The following PWWP3A variants were observed in gnomAD, a reference collection of about 807,000 sequenced individuals.
The protein encoded by PWWP3A is PWWP domain containing 3A, DNA repair factor.
Under a neutral mutation model 79.0 loss-of-function variants are expected in PWWP3A, and 53 were observed. That is an observed-to-expected ratio of 0.67 (90% CI 0.54 to 0.84). PWWP3A has a LOEUF of 0.84. PWWP3A is among the 40% of genes least tolerant of loss of function. PWWP3A has a pLI of 0.00. For synonymous variants in PWWP3A, 443 were observed against 394.4 expected, an observed-to-expected ratio of 1.12 and a Z score of -1.46; for missense variants, 973 against 948.0, an observed-to-expected ratio of 1.03 and a Z score of -0.35.
Position 1,373,062 on chromosome 19 carries a change from C to T in PWWP3A, c.1987-10C>T, listed in dbSNP as rs772192050. On this transcript the variant is annotated splice_polypyrimidine_tract_variant and intron_variant, in intron 12 of 13. Transcript: ENST00000591337. ...TGCCTGCTGCTATTGAGCCCCGTGC[C>T]CTCTCACAGGCCATCATCTGTGCGA... The T allele has an allele frequency of 6.2e-7, 1 of 1,613,802 alleles. No individual in the cohort carries two copies. The highest frequency in any genetic ancestry group is 8.5e-7 in the Non-Finnish European group (1 of 1,179,850).
Position 1,378,228 on chromosome 19 carries a change from A to C in PWWP3A, c.*1652A>C, listed in dbSNP as rs932978855. ...GGCGGGGCTCAGCAGCGTTGCATGT[A>C]CGGGCCTCGTACTGCCTCATGGAAA... On this transcript the variant is annotated 3_prime_UTR_variant, in exon 14 of 14. Transcript: ENST00000591337. The C allele has an allele frequency of 3.3e-5, 5 of 152,370 alleles. No individual in the cohort carries two copies. The highest frequency in any genetic ancestry group is 4.8e-5 in the African/African-American group (2 of 41,582). The allele number at this position is 152,370 out of a possible 1,614,324, so 9.4% of individuals were successfully genotyped here. A position where few individuals can be genotyped will look rare whatever the true frequency, so the allele number is the denominator to read the frequency against.
In PWWP3A at chr19:1,360,346, A is replaced by G. The variant is rs2081983132; in HGVS notation, c.425A>G (p.Asp142Gly). 2 of 1,614,024 alleles carry G rather than the reference A, an allele frequency of 1.2e-6. No individual in the cohort carries two copies. The highest frequency in any genetic ancestry group is 1.7e-6 in the Non-Finnish European group (2 of 1,179,990). ...AACTCCTCATCTCTTCCCCGCGGAG[A>G]CGTGTTGGGCAGTTCCAGACCTCAC... is the stretch of plus-strand genomic sequence containing the variant. ...DSNSSSLPRG[D>G]VLGSSRPHRR... Residue 142 changes from aspartate (D) to glycine (G), a missense_variant, in exon 5 of 14, where the codon GAC becomes GGC. Transcript: ENST00000591337. This position sits in a 1 kb window ranked among gnomAD's most constrained non-coding sequence, Gnocchi z 4.4.
Position 1,368,918 on chromosome 19 carries a change from C to T in PWWP3A, c.1423-347C>T, listed in dbSNP as rs7246613. On this transcript the variant is annotated intron_variant, in intron 9 of 13. Transcript: ENST00000591337. This position sits in a 1 kb window ranked among gnomAD's most constrained non-coding sequence, Gnocchi z 4.7. Reference sequence around the variant, plus strand: ...TCCCCGGTGCCCACCTGCGTTCAGACCAGCCCAAGCCATCGGGTCCCCGGT... The same window carrying T: ...TCCCCGGTGCCCACCTGCGTTCAGATCAGCCCAAGCCATCGGGTCCCCGGT... 0.039 allele frequency among the ~76,000 whole-genome samples: 2,975 copies of T among 75,428 alleles called. 93 individuals are homozygous for T. Among genetic ancestry groups the T allele is most frequent in the African/African-American group, 0.09 (1,067 of 11,880 alleles). 49.5% of individuals were successfully genotyped at this position (75,428 alleles called of 152,430 possible).
At position 1,360,339 on chromosome 19, in the gene PWWP3A, C is replaced by CGCGGAGACGTGTTGGGCA. The variant is rs2081982854; in HGVS notation, c.420_437dup (p.Gly141_Ser146dup). The CGCGGAGACGTGTTGGGCA allele has an allele frequency of 6.2e-7, 1 of 1,613,988 alleles. No individual in the cohort carries two copies. Among genetic ancestry groups the CGCGGAGACGTGTTGGGCA allele is most frequent in the African/African-American group, 1.3e-5 (1 of 74,924 alleles). ...TGATTCGAACTCCTCATCTCTTCCC[C>CGCGGAGACGTGTTGGGCA]GCGGAGACGTGTTGGGCAGTTCCAG... On this transcript the variant is annotated inframe_insertion, in exon 5 of 14. Coordinates refer to ENST00000591337, the MANE Select transcript of PWWP3A (RefSeq NM_001369789.1). The surrounding 1 kb of genome is among the most constrained non-coding windows in gnomAD (Gnocchi z 4.4).
intron 8 of PWWP3A, among the ~76,000 whole-genome samples, chr19:1,366,923 C>G (rs1009760446): frequency 1.3e-5 from 2 of 152,216 alleles, no homozygotes; most frequent in Non-Finnish European, 2.9e-5. Flanking sequence ...AGTGGAGACC[C>G]AGGCCCCGAG....
intron 7 of PWWP3A, 83 bp from the exon 8 acceptor site, chr19:1,366,222 G>T: frequency 2.9e-6 from 4 of 1,376,618 alleles, no homozygotes; most frequent in Non-Finnish European, 3.1e-6. Context: ...CCTGTTAGAT[G>T]TATCATGTGA....
intron 12 of PWWP3A, among the ~76,000 whole-genome samples, chr19:1,371,697 T>C (rs1389376459): frequency 2.0e-5 from 3 of 151,908 alleles, no homozygotes; most frequent in East Asian, 3.9e-4. Context: ...TATTTAACTT[T>C]ATAACTATGG....
At position 1,369,150 on chromosome 19, in the gene PWWP3A, G is replaced by C; in HGVS notation, c.1423-115G>C. The C allele has an allele frequency of 3.4e-6, 3 of 879,090 alleles. No individual in the cohort carries two copies. Among genetic ancestry groups the C allele is most frequent in the Non-Finnish European group, 5.5e-6 (3 of 541,364 alleles). The allele number at this position is 879,090 out of a possible 1,614,324, so 54.5% of individuals were successfully genotyped here. ...TTGTCAGGGAGGGTCAGAGGTGCGG[G>C]CTGGAGCGTGAGCAGCCTGGACACC... On this transcript the variant is annotated intron_variant, in intron 9 of 13. Transcript: ENST00000591337. This position sits in a 1 kb window ranked among gnomAD's most constrained non-coding sequence, Gnocchi z 4.0.
chr19:1,360,296 G>T lies in PWWP3A; in HGVS notation c.375G>T (p.Glu125Asp), dbSNP rs1304314402. 1 of 1,613,828 alleles carries T rather than the reference G, an allele frequency of 6.2e-7. No individual in the cohort carries two copies. Among genetic ancestry groups the T allele is most frequent in the Non-Finnish European group, 8.5e-7 (1 of 1,179,884 alleles). The change falls in exon 5 of 14, where the codon GAG (glutamate) becomes GAT (aspartate). Residue 125 changes from glutamate to aspartate, a missense_variant. By Grantham distance (45) the Glu-to-Asp change is conservative. Transcript: ENST00000591337. This position sits in a 1 kb window ranked among gnomAD's most constrained non-coding sequence, Gnocchi z 4.4. Reference protein sequence around the residue: ...ADRSLRGKPMEHVSSPCDSNS... With the variant: ...ADRSLRGKPMDHVSSPCDSNS... ...GGTCTCTGCGAGGGAAGCCCATGGAGCATGTCTCCTCGCCCTGTGATTCGA... is the reference window on the plus strand; with the variant it reads ...GGTCTCTGCGAGGGAAGCCCATGGATCATGTCTCCTCGCCCTGTGATTCGA...
At chr19:1,367,874 GAAA>G (rs568254510) in intron 9 of PWWP3A, among the ~76,000 whole-genome samples, 3 of 151,964 alleles carry the variant, frequency 2.0e-5, no homozygotes, top group East Asian at 3.9e-4. Context: ...TACTCCTCTG[GAAA>G]AAAAGAAAAA....
intron 8 of PWWP3A, 117 bp from the exon 9 acceptor site, chr19:1,367,043 G>A: frequency 1.4e-6 from 1 of 733,562 alleles, no homozygotes; most frequent in South Asian, 1.8e-5. Context: ...CCATAAATAA[G>A]CTGGGGCTGG....
Position 1,376,497 on chromosome 19 carries a change from TGAA to T in PWWP3A, c.2076-19_2076-17del. Reference sequence around the variant, plus strand: ...AACACACAATGATTAATTACTAAAATGAAGACTCTTGTTTTCTGAAGGGAAAAA... The same window carrying T: ...AACACACAATGATTAATTACTAAAATGACTCTTGTTTTCTGAAGGGAAAAA... On this transcript the variant is annotated intron_variant, in intron 13 of 13. Coordinates refer to ENST00000591337, the MANE Select transcript of PWWP3A (RefSeq NM_001369789.1). 2 of 1,611,598 alleles carry T rather than the reference TGAA, an allele frequency of 1.2e-6. No individual in the cohort carries two copies. Among genetic ancestry groups the T allele is most frequent in the Non-Finnish European group, 1.7e-6 (2 of 1,178,340 alleles).
chr19:1,376,651 TG>T lies in PWWP3A; in HGVS notation c.*81del. ...CAGTGTGCATGAGCGTGTCTGAAGA[TG>T]GGGGGCTCAGGGGGCACGTTTGCGT... On this transcript the variant is annotated 3_prime_UTR_variant, in exon 14 of 14. Coordinates refer to ENST00000591337, the MANE Select transcript of PWWP3A (RefSeq NM_001369789.1). The T allele has an allele frequency of 1.3e-6, 2 of 1,486,968 alleles. No individual in the cohort carries two copies. The highest frequency in any genetic ancestry group is 1.8e-5 in the Admixed American group (1 of 56,464). The allele number at this position is 1,486,968 out of a possible 1,614,324, so 92.1% of individuals were successfully genotyped here.
At position 1,357,327 on chromosome 19, in the gene PWWP3A, T is replaced by G; in HGVS notation, c.143+233T>G. 6.5e-6 allele frequency: 3 copies of G among 459,484 alleles called. No individual in the cohort carries two copies. In the South Asian group the frequency reaches 8.9e-5, roughly 14 times the overall value. The allele number at this position is 459,484 out of a possible 1,614,324, so 28.5% of individuals were successfully genotyped here. A position where few individuals can be genotyped will look rare whatever the true frequency, so the allele number is the denominator to read the frequency against. On this transcript the variant is annotated intron_variant, in intron 3 of 13. Coordinates refer to ENST00000591337, the MANE Select transcript of PWWP3A (RefSeq NM_001369789.1). The stretch of plus-strand genomic sequence containing the variant: ...CATTCTGTGAGATCTATGGAGAGAT[T>G]GGTACAAACACTGAATACATGTAAA...
rs1380046185 is a variant in PWWP3A, at chr19:1,368,207, G to T, written c.1422+987G>T. Among the ~76,000 whole-genome samples, 1 of 152,172 alleles carries T rather than the reference G, an allele frequency of 6.6e-6. No homozygotes were observed. Among genetic ancestry groups the T allele is most frequent in the Non-Finnish European group, 1.5e-5 (1 of 68,040 alleles). On this transcript the variant is annotated intron_variant, in intron 9 of 13. Transcript: ENST00000591337. The surrounding 1 kb of genome is among the most constrained non-coding windows in gnomAD (Gnocchi z 4.7). ...CAAAGTGCTGGGATTACAGGTGTGAGCCACTGCGCCCGGCTGGAACTGAGT... is the reference window on the plus strand; with the variant it reads ...CAAAGTGCTGGGATTACAGGTGTGATCCACTGCGCCCGGCTGGAACTGAGT...
Position 1,360,625 on chromosome 19 carries a change from C to T in PWWP3A, c.704C>T (p.Ser235Leu), listed in dbSNP as rs1391393945. ...ASLCLNGSSL[S>L]EDDTERDMGS... ...TTGTGCCTGAATGGATCTTCCCTTT[C>T]AGAGGACGACACGGAGAGAGACATG... is the stretch of plus-strand genomic sequence containing the variant. The change falls in exon 5 of 14, where the codon TCA becomes TTA. Residue 235 changes from serine to leucine, a missense_variant. By Grantham distance (145) the Ser-to-Leu change is moderately radical. Coordinates refer to ENST00000591337, the MANE Select transcript of PWWP3A (RefSeq NM_001369789.1). The surrounding 1 kb of genome is among the most constrained non-coding windows in gnomAD (Gnocchi z 4.4). The T allele has an allele frequency of 9.3e-6, 15 of 1,613,760 alleles. No homozygotes were observed. Among genetic ancestry groups the T allele is most frequent in the Non-Finnish European group, 1.3e-5 (15 of 1,179,852 alleles).
chr19:1,364,561 C>T lies in PWWP3A; in HGVS notation c.1266C>T (p.Tyr422=), dbSNP rs915579451. 2.5e-6 allele frequency: 4 copies of T among 1,608,174 alleles called. No individual in the cohort carries two copies. Among genetic ancestry groups the T allele is most frequent in the East Asian group, 2.2e-5 (1 of 44,828 alleles). ...TAGTCTGGCATAAACATAAAAAATACCCCTTCTGGCCAGCAGTGGTAAGAA... is the reference window on the plus strand; with the variant it reads ...TAGTCTGGCATAAACATAAAAAATATCCCTTCTGGCCAGCAGTGGTAAGAA... The part of the protein sequence containing the change: ...GMLVWHKHKK[Y]PFWPAVVKSV... Residue 422 remains tyrosine, a synonymous_variant, in exon 7 of 14, where the codon TAC becomes TAT. Coordinates refer to ENST00000591337, the MANE Select transcript of PWWP3A (RefSeq NM_001369789.1).
chr19:1,373,222 A>G, intron 13 of PWWP3A, 62 bp downstream of exon 13: 1 of 1,467,460 alleles, frequency 6.8e-7, no homozygotes, highest in Non-Finnish European at 9.4e-7. Context: ...TTCTATTTCC[A>G]CACCCACAGG....
chr19:1,360,784 C>G lies in PWWP3A; in HGVS notation c.863C>G (p.Pro288Arg). Residue 288 changes from proline (P) to arginine (R), a missense_variant, in exon 5 of 14, where the codon CCC becomes CGC. Physicochemically the swap from Pro to Arg is moderately radical, Grantham distance 103. Coordinates refer to ENST00000591337, the MANE Select transcript of PWWP3A (RefSeq NM_001369789.1). This position sits in a 1 kb window ranked among gnomAD's most constrained non-coding sequence, Gnocchi z 4.4. ...GSLTAPPAPE[P>R]SACSEPGECP... ...CTCACTGCGCCCCCAGCCCCTGAGC[C>G]CTCGGCCTGCTCAGAGCCTGGAGAA... The G allele has an allele frequency of 6.2e-7, 1 of 1,607,026 alleles. No individual in the cohort carries two copies.
Sources: allele counts gnomAD v4.1 joint callset (sites outside exome capture counted in the v4.1 genomes callset), GRCh38; gene constraint gnomAD v4.1.1; non-coding constraint Gnocchi (gnomAD v3.1); transcripts MANE v1.5; gene names NCBI Gene and HGNC (gene_info 2026-07-23, HGNC 2026-07-21).